PIBF1: variants seen among roughly 807,000 people sequenced by gnomAD.
PIBF1 encodes the protein progesterone immunomodulatory binding factor 1.
In PIBF1, 90 loss-of-function variants were observed where a neutral mutation model predicts 112.5. That is an observed-to-expected ratio of 0.80 (90% CI 0.67 to 0.95). The LOEUF (loss-of-function observed/expected upper bound fraction) is 0.95, where lower values mean the gene tolerates loss of function less well. Ranked by LOEUF, PIBF1 falls within the 40% of genes least tolerant of loss-of-function variation. The pLI is 0.00. For synonymous variants in PIBF1, 301 were observed against 288.6 expected, an observed-to-expected ratio of 1.04 and a Z score of -0.44; for missense variants, 915 against 852.3, an observed-to-expected ratio of 1.07 and a Z score of -0.92.
intron 9 of PIBF1, among the ~76,000 whole-genome samples, chr13:72,843,895 C>T (rs2037722168): frequency 6.6e-6 from 1 of 152,106 alleles, no homozygotes; most frequent in African/African-American, 2.4e-5. Flanking sequence ...CTCTGTTTTC[C>T]CTAGGATGCC....
intron 10 of PIBF1, among the ~76,000 whole-genome samples, chr13:72,859,113 T>C (rs996795500): frequency 1.3e-5 from 2 of 152,164 alleles, no homozygotes; most frequent in Non-Finnish European, 2.9e-5. Context: ...GCCTTAGATA[T>C]AATATATTTT....
intron 9 of PIBF1, among the ~76,000 whole-genome samples, chr13:72,851,549 C>T (rs1192527968): frequency 1.3e-5 from 2 of 152,206 alleles, no homozygotes; most frequent in African/African-American, 4.8e-5. Flanking sequence ...CCCTTTGGCA[C>T]TCCAGGCTGG....
chr13:72,956,837 A>G (rs1018913573), intron 14 of PIBF1, among the ~76,000 whole-genome samples: 1 of 152,204 alleles, frequency 6.6e-6, no homozygotes, highest in East Asian at 1.9e-4. Context: ...AAAAAACCCC[A>G]TCAAAAAGTG....
chr13:72,946,590 G>C (rs2042154132), intron 14 of PIBF1, among the ~76,000 whole-genome samples: 1 of 152,170 alleles, frequency 6.6e-6, no homozygotes, highest in South Asian at 2.1e-4. Flanking sequence ...TTCCGCCTAT[G>C]AGCCTGCAAA....
intron 8 of PIBF1, among the ~76,000 whole-genome samples, chr13:72,834,216 TTCAA>T (rs2037249721): frequency 1.3e-5 from 2 of 152,236 alleles, no homozygotes; most frequent in Admixed American, 6.5e-5. Context: ...TTATATGCCC[TTCAA>T]TCAGACTCCC....
intron 10 of PIBF1, among the ~76,000 whole-genome samples, chr13:72,880,581 TAA>T (rs1412059730): frequency 2.0e-5 from 3 of 152,180 alleles, no homozygotes; most frequent in Non-Finnish European, 4.4e-5. Flanking sequence ...ACACAGGTAG[TAA>T]AGAGTGGTAT....
At chr13:73,006,572 A>G (rs1457252147) in intron 17 of PIBF1, among the ~76,000 whole-genome samples, 1 of 152,200 alleles carries the variant, frequency 6.6e-6, no homozygotes, top group Admixed American at 6.5e-5. Flanking sequence ...TTTGGAAAAC[A>G]AAGTAATGAT....
chr13:72,792,404 C>A, intron 2 of PIBF1, 43 bp from the exon 3 acceptor site: 1 of 1,205,630 alleles, frequency 8.3e-7, no homozygotes, highest in Non-Finnish European at 1.2e-6. Flanking sequence ...GAAAGTTTTT[C>A]TTTATGACAA....
At chr13:72,894,773 G>T (rs201831051) in intron 11 of PIBF1, among the ~76,000 whole-genome samples, 728 of 22,574 alleles carry the variant, frequency 0.032, 3 homozygotes, top group African/African-American at 0.1. Context: ...TATATATATA[G>T]TGTGTGTGTG....
At chr13:72,882,672 C>T (rs2039689997) in intron 10 of PIBF1, among the ~76,000 whole-genome samples, 2 of 152,128 alleles carry the variant, frequency 1.3e-5, no homozygotes, top group Admixed American at 1.3e-4. Flanking sequence ...GTATGGTAAA[C>T]AGGGTTATGA....
At chr13:72,957,316 A>G (rs1272006989) in intron 14 of PIBF1, among the ~76,000 whole-genome samples, 1 of 152,240 alleles carries the variant, frequency 6.6e-6, no homozygotes, top group Non-Finnish European at 1.5e-5. Context: ...TATATATACC[A>G]TGGAATATTA....
intron 11 of PIBF1, among the ~76,000 whole-genome samples, chr13:72,896,991 T>A (rs1324466669): frequency 1.3e-5 from 2 of 152,144 alleles, no homozygotes; most frequent in African/African-American, 4.8e-5. Context: ...CCTAGGCACA[T>A]TGTCGTCAGG....
intron 5 of PIBF1, among the ~76,000 whole-genome samples, chr13:72,800,652 A>G (rs1159427321): frequency 1.3e-5 from 2 of 152,220 alleles, no homozygotes; most frequent in Non-Finnish European, 2.9e-5. Context: ...TATATACGGC[A>G]TGCATTATTC....
At chr13:72,823,342 A>G (rs1470376064) in intron 6 of PIBF1, among the ~76,000 whole-genome samples, 1 of 152,218 alleles carries the variant, frequency 6.6e-6, no homozygotes, top group East Asian at 1.9e-4. Context: ...TGTTCATTAT[A>G]TCACCTCTAT....
chr13:72,948,926 T>C (rs1048629195), intron 14 of PIBF1, among the ~76,000 whole-genome samples: 6 of 152,122 alleles, frequency 3.9e-5, no homozygotes, highest in African/African-American at 1.4e-4. Flanking sequence ...TGATGACATG[T>C]GGGGATTATG....
chr13:72,855,900 G>A (rs2038402416), intron 10 of PIBF1, among the ~76,000 whole-genome samples: 1 of 152,072 alleles, frequency 6.6e-6, no homozygotes, highest in South Asian at 2.1e-4. Flanking sequence ...AGATTTATGG[G>A]CAAACTAATA....
intron 8 of PIBF1, among the ~76,000 whole-genome samples, chr13:72,831,915 G>T (rs931079524): frequency 1.3e-5 from 2 of 152,012 alleles, no homozygotes; most frequent in African/African-American, 4.8e-5. Context: ...CTTCCTTTAT[G>T]AATCTGGGTG....
At chr13:72,979,404 T>A (rs1156230311) in intron 16 of PIBF1, among the ~76,000 whole-genome samples, 1 of 152,140 alleles carries the variant, frequency 6.6e-6, no homozygotes, top group Non-Finnish European at 1.5e-5. Context: ...CTTTTGAGAG[T>A]AGGAAAAGTA....
intron 16 of PIBF1, among the ~76,000 whole-genome samples, chr13:72,977,922 G>A (rs1005766455): frequency 1.2e-4 from 18 of 152,132 alleles, no homozygotes; most frequent in Non-Finnish European, 1.8e-4. Context: ...GCAGGTGGCC[G>A]TAGAGAGAAA....
Sources: gnomAD v4.1 joint callset for allele counts (sites outside exome capture counted in the v4.1 genomes callset) on GRCh38, gnomAD v4.1.1 for gene constraint, MANE v1.5 for transcripts, NCBI Gene and HGNC (gene_info 2026-07-23, HGNC 2026-07-21) for gene names.